CSMD1: variants seen among roughly 807,000 people sequenced by gnomAD.
CSMD1 encodes the protein CUB and Sushi multiple domains 1.
In CSMD1, 213 loss-of-function variants were observed where a neutral mutation model predicts 417.5. The observed-to-expected ratio is 0.51, with a 90% CI of 0.46 to 0.57. CSMD1 has a LOEUF of 0.57. CSMD1 is among the 20% of genes least tolerant of loss of function. The probability of loss-of-function intolerance (pLI) is 0.00; values close to 1 mark genes in which losing one functional copy is unlikely to be tolerated. For synonymous variants in CSMD1, 2,862 were observed against 1,736.8 expected (o/e 1.65, Z -16.11); for missense variants, 6,923 against 4,529.7 (o/e 1.53, Z -15.17).
intron 1 of CSMD1, among the ~76,000 whole-genome samples, chr8:4,701,819 A>C (rs937647467): frequency 6.6e-6 from 1 of 152,188 alleles, no homozygotes; most frequent in Non-Finnish European, 1.5e-5. Flanking sequence ...TCTCATATTT[A>C]CTCTGGATGA....
intron 10 of CSMD1, among the ~76,000 whole-genome samples, chr8:3,511,325 C>A (rs902644948): frequency 6.6e-6 from 1 of 151,434 alleles, no homozygotes; most frequent in Non-Finnish European, 1.5e-5. Context: ...CATGTGTATA[C>A]CTATGTAACA....
intron 2 of CSMD1, among the ~76,000 whole-genome samples, chr8:4,539,850 T>C (rs1312655517): frequency 6.6e-6 from 1 of 152,172 alleles, no homozygotes; most frequent in Non-Finnish European, 1.5e-5. Flanking sequence ...CCCAAACTCT[T>C]TTCTGGGTCA....
At chr8:3,602,498 C>A (rs1357793286) in intron 8 of CSMD1, among the ~76,000 whole-genome samples, 2 of 152,072 alleles carry the variant, frequency 1.3e-5, no homozygotes, top group Non-Finnish European at 2.9e-5. Flanking sequence ...AATATTGATC[C>A]TAAACTCTTT....
At chr8:4,348,189 G>T (rs765153201) in intron 3 of CSMD1, among the ~76,000 whole-genome samples, 1 of 152,118 alleles carries the variant, frequency 6.6e-6, no homozygotes, top group Non-Finnish European at 1.5e-5. Flanking sequence ...TCTGGATATG[G>T]CATTGTGCTG....
chr8:3,987,625 G>A (rs1328461517), intron 5 of CSMD1, among the ~76,000 whole-genome samples: 2 of 152,180 alleles, frequency 1.3e-5, no homozygotes, highest in Non-Finnish European at 2.9e-5. Context: ...GAACTGTGAA[G>A]GATGAGTAGG....
chr8:3,971,064 A>G (rs1813050602), intron 5 of CSMD1, among the ~76,000 whole-genome samples: 1 of 152,116 alleles, frequency 6.6e-6, no homozygotes, highest in Non-Finnish European at 1.5e-5. Context: ...ATGGAATCTT[A>G]ATACAAATGG....
At chr8:3,444,954 C>T (rs189941846) in intron 12 of CSMD1, among the ~76,000 whole-genome samples, 4 of 152,302 alleles carry the variant, frequency 2.6e-5, no homozygotes, top group East Asian at 3.9e-4. Flanking sequence ...ACACCACTAG[C>T]TATGAAGTCC....
intron 26 of CSMD1, among the ~76,000 whole-genome samples, chr8:3,234,404 T>A (rs1019449226): frequency 6.6e-6 from 1 of 152,194 alleles, no homozygotes; most frequent in Non-Finnish European, 1.5e-5. Flanking sequence ...TTCTGAGACA[T>A]CATTCTTCTC....
At chr8:4,336,190 T>G (rs1800159731) in intron 3 of CSMD1, among the ~76,000 whole-genome samples, 2 of 152,190 alleles carry the variant, frequency 1.3e-5, no homozygotes, top group African/African-American at 4.8e-5. Context: ...CAGCGCTGGT[T>G]GACTCAGGGA....
At chr8:4,332,296 G>A (rs1477750062) in intron 3 of CSMD1, among the ~76,000 whole-genome samples, 1 of 152,038 alleles carries the variant, frequency 6.6e-6, no homozygotes. Context: ...AGCCTCTCTT[G>A]GAGATGCTCT....
At chr8:4,459,142 C>G (rs1276794032) in intron 2 of CSMD1, among the ~76,000 whole-genome samples, 1 of 152,230 alleles carries the variant, frequency 6.6e-6, no homozygotes, top group African/African-American at 2.4e-5. Context: ...CTTTCTCATC[C>G]TCACAAGCTT....
chr8:3,448,944 T>A (rs372963068), intron 12 of CSMD1, among the ~76,000 whole-genome samples: 3 of 152,098 alleles, frequency 2.0e-5, no homozygotes, highest in Non-Finnish European at 2.9e-5. Flanking sequence ...AGAGTAAATG[T>A]AGGAAAGAAG....
intron 3 of CSMD1, among the ~76,000 whole-genome samples, chr8:4,159,978 T>C (rs532609004): frequency 5.6e-4 from 85 of 152,106 alleles, no homozygotes; most frequent in African/African-American, 1.6e-3. Context: ...AGACTACCAA[T>C]TGGGTTCAAT....
At chr8:3,640,637 G>C (rs867692603) in intron 7 of CSMD1, among the ~76,000 whole-genome samples, 4 of 152,192 alleles carry the variant, frequency 2.6e-5, no homozygotes, top group African/African-American at 9.7e-5. Context: ...GTCCTGCTAC[G>C]TAAATTAGAT....
chr8:4,160,014 C>G (rs191021316), intron 3 of CSMD1, among the ~76,000 whole-genome samples: 20 of 151,380 alleles, frequency 1.3e-4, no homozygotes, highest in Admixed American at 6.6e-4. Context: ...GATGGGTGCA[C>G]CAAAATTTCA....
chr8:4,269,956 C>G (rs183943187), intron 3 of CSMD1, among the ~76,000 whole-genome samples: 37 of 152,234 alleles, frequency 2.4e-4, no homozygotes, highest in Admixed American at 2.6e-4. Flanking sequence ...AAACCACGAC[C>G]TCTCTGAGGC....
At position 4,003,651 on chromosome 8, in the gene CSMD1, T is replaced by C. The variant is rs114977806; in HGVS notation, c.611-5541A>G. On this transcript the variant is annotated intron_variant, in intron 4 of 69. Transcript: ENST00000635120. ...AAGATAAATTCTGAAAATACATAAA[T>C]ACGAAGAGTAAAACTGATCTAGTTG... 1.3e-3 allele frequency among the ~76,000 whole-genome samples: 194 copies of C among 152,260 alleles called. 1 individual carries two copies. Among genetic ancestry groups the C allele is most frequent in the African/African-American group, 4.3e-3 (179 of 41,554 alleles).
At chr8:4,368,753 G>A (rs1430345452) in intron 3 of CSMD1, among the ~76,000 whole-genome samples, 1 of 152,088 alleles carries the variant, frequency 6.6e-6, no homozygotes, top group African/African-American at 2.4e-5. Context: ...TGTGTATACA[G>A]AGGTGCTCAT....
chr8:4,313,277 G>A (rs917541195), intron 3 of CSMD1, among the ~76,000 whole-genome samples: 1 of 152,080 alleles, frequency 6.6e-6, no homozygotes, highest in Non-Finnish European at 1.5e-5. Flanking sequence ...AGTGCCCCAG[G>A]AAGAGAATGC....
Sources: gnomAD v4.1 joint callset for allele counts (sites outside exome capture counted in the v4.1 genomes callset) on GRCh38, gnomAD v4.1.1 for gene constraint, MANE v1.5 for transcripts, NCBI Gene and HGNC (gene_info 2026-07-23, HGNC 2026-07-21) for gene names.